The following CAMK4 variants were observed in gnomAD, a reference collection of about 807,000 sequenced individuals.
The protein encoded by CAMK4 is calcium/calmodulin dependent protein kinase IV.
Under a neutral mutation model 44.9 loss-of-function variants are expected in CAMK4, and 22 were observed. The ratio of observed to expected loss-of-function variants is 0.49; its 90% CI spans 0.35 to 0.70. CAMK4 has a LOEUF of 0.70. Among genes scored for constraint, CAMK4 ranks in the 30% least tolerant of loss-of-function variants. The probability of loss-of-function intolerance (pLI) is 0.01; values close to 1 mark genes in which losing one functional copy is unlikely to be tolerated. For missense variants in CAMK4, 498 were observed against 586.8 expected, an observed-to-expected ratio of 0.85 and a Z score of 1.56; for synonymous variants, 218 against 215.4, an observed-to-expected ratio of 1.01 and a Z score of -0.11.
intron 5 of CAMK4, among the ~76,000 whole-genome samples, chr5:111,397,648 G>GCT (rs1243808792): frequency 8.1e-6 from 1 of 122,984 alleles, no homozygotes; most frequent in African/African-American, 3.3e-5. Context: ...AAGTCAGCAT[G>GCT]CTGTGTGTGT....
intron 1 of CAMK4, among the ~76,000 whole-genome samples, chr5:111,235,388 C>A (rs1362343887): frequency 6.6e-6 from 1 of 151,974 alleles, no homozygotes; most frequent in Non-Finnish European, 1.5e-5. Flanking sequence ...AATAAATCAG[C>A]CTGGCCTAGA....
chr5:111,417,093 A>T (rs1219776073), intron 5 of CAMK4, among the ~76,000 whole-genome samples: 1 of 152,174 alleles, frequency 6.6e-6, no homozygotes, highest in African/African-American at 2.4e-5. Context: ...GCACAGTCTC[A>T]CTCTGTCACC....
At chr5:111,266,777 AGG>A (rs1441652629) in intron 1 of CAMK4, among the ~76,000 whole-genome samples, 1 of 152,232 alleles carries the variant, frequency 6.6e-6, no homozygotes, top group Non-Finnish European at 1.5e-5. Flanking sequence ...AGCTCTAGCT[AGG>A]GGTGCCAAAG....
intron 5 of CAMK4, among the ~76,000 whole-genome samples, chr5:111,433,561 C>T (rs985546501): frequency 2.0e-5 from 3 of 152,200 alleles, no homozygotes; most frequent in African/African-American, 7.2e-5. Flanking sequence ...TAACAAGTTA[C>T]AATCCTACCC....
At chr5:111,394,812 C>G in intron 5 of CAMK4, 30 bp downstream of exon 5, 1 of 1,362,926 alleles carries the variant, frequency 7.3e-7, no homozygotes, top group South Asian at 1.2e-5. Context: ...AATGGTGTAA[C>G]TCTTAGTCAT....
intron 1 of CAMK4, among the ~76,000 whole-genome samples, chr5:111,227,592 C>G (rs895436481): frequency 2.0e-5 from 3 of 152,176 alleles, no homozygotes; most frequent in Non-Finnish European, 4.4e-5. Context: ...TTTGGGAACT[C>G]AAGGGGAGCT....
intron 5 of CAMK4, among the ~76,000 whole-genome samples, chr5:111,446,316 C>T (rs926594361): frequency 1.4e-4 from 22 of 152,284 alleles, no homozygotes; most frequent in South Asian, 4.1e-4. Context: ...CATCCAATTA[C>T]GCTTTTTAGA....
intron 5 of CAMK4, among the ~76,000 whole-genome samples, chr5:111,402,215 T>G (rs1752254239): frequency 6.6e-6 from 1 of 152,178 alleles, no homozygotes; most frequent in Admixed American, 6.5e-5. Flanking sequence ...GAGAGCCAAC[T>G]GGAGAAGGAA....
At chr5:111,341,402 G>A (rs893561289) in intron 1 of CAMK4, among the ~76,000 whole-genome samples, 2 of 150,910 alleles carry the variant, frequency 1.3e-5, no homozygotes, top group Non-Finnish European at 3.0e-5. Flanking sequence ...GAGAAATTTT[G>A]TTTTTATCTT....
chr5:111,456,515 TAAAAA>T (rs1452051579), intron 7 of CAMK4, among the ~76,000 whole-genome samples: 3 of 151,764 alleles, frequency 2.0e-5, no homozygotes, highest in Non-Finnish European at 4.4e-5. Context: ...AAAATAAAAA[TAAAAA>T]TTTCCCCCTA....
intron 2 of CAMK4, among the ~76,000 whole-genome samples, chr5:111,347,604 A>G (rs1474275510): frequency 6.6e-6 from 1 of 151,880 alleles, no homozygotes; most frequent in East Asian, 1.9e-4. Context: ...GCTCCCTCTC[A>G]CAATGTCACA....
At chr5:111,336,780 A>G (rs1213650233) in intron 1 of CAMK4, among the ~76,000 whole-genome samples, 1 of 151,200 alleles carries the variant, frequency 6.6e-6, no homozygotes, top group Admixed American at 6.6e-5. Flanking sequence ...AATGAAAATT[A>G]GATTTTTAGT....
Position 111,262,041 on chromosome 5 carries a change from C to T in CAMK4, c.161+37397C>T, listed in dbSNP as rs117652960. Among the ~76,000 whole-genome samples, 222 of 152,102 alleles carry T rather than the reference C, an allele frequency of 1.5e-3. 4 individuals are homozygous for T. The East Asian group carries it at 0.032, about 22-fold the overall frequency. ...AGGTCTGCAGAGTCATCCTTGTGTTCGTTCACTAGCACCTTACATGGGTTT... is the reference window on the plus strand; with the variant it reads ...AGGTCTGCAGAGTCATCCTTGTGTTTGTTCACTAGCACCTTACATGGGTTT... On this transcript the variant is annotated intron_variant, in intron 1 of 10. Coordinates refer to ENST00000282356, the MANE Select transcript of CAMK4 (RefSeq NM_001744.6).
intron 4 of CAMK4, among the ~76,000 whole-genome samples, chr5:111,384,891 A>AG (rs1751543829): frequency 6.6e-6 from 1 of 151,810 alleles, no homozygotes; most frequent in Non-Finnish European, 1.5e-5. Context: ...TAAACATGAC[A>AG]AAAAAAAGCC....
intron 3 of CAMK4, 54 bp downstream of exon 3, chr5:111,374,966 A>C: frequency 8.2e-7 from 1 of 1,218,652 alleles, no homozygotes; most frequent in Non-Finnish European, 1.2e-6. Flanking sequence ...AGAGAAAGGG[A>C]CCTTTGTCCT....
chr5:111,319,188 G>A (rs1200125736), intron 1 of CAMK4, among the ~76,000 whole-genome samples: 4 of 152,062 alleles, frequency 2.6e-5, no homozygotes, highest in African/African-American at 4.8e-5. Context: ...GTAATGGTGG[G>A]GTCAGCTTTC....
intron 7 of CAMK4, among the ~76,000 whole-genome samples, chr5:111,458,144 A>G (rs1048735625): frequency 6.6e-6 from 1 of 152,134 alleles, no homozygotes; most frequent in Admixed American, 6.5e-5. Flanking sequence ...CTCCCTAAGG[A>G]GATTGTGTCC....
At chr5:111,269,379 C>T (rs918707220) in intron 1 of CAMK4, among the ~76,000 whole-genome samples, 3 of 152,142 alleles carry the variant, frequency 2.0e-5, no homozygotes, top group Non-Finnish European at 2.9e-5. Flanking sequence ...CTCCCTTTCC[C>T]GTTCCTCTTC....
chr5:111,398,964 C>T (rs1752122643), intron 5 of CAMK4, among the ~76,000 whole-genome samples: 1 of 152,202 alleles, frequency 6.6e-6, no homozygotes, highest in Non-Finnish European at 1.5e-5. Flanking sequence ...TAATCTCTCA[C>T]TCAGACTGCT....
Sources: allele counts gnomAD v4.1 joint callset (sites outside exome capture counted in the v4.1 genomes callset), GRCh38; gene constraint gnomAD v4.1.1; transcripts MANE v1.5; gene names NCBI Gene and HGNC (gene_info 2026-07-23, HGNC 2026-07-21).